Variants in SDK1 observed in about 807,000 individuals in gnomAD.
The protein encoded by SDK1 is sidekick cell adhesion molecule 1.
SDK1 carries 157 observed loss-of-function variants against 245.5 expected under a neutral mutation model. The observed-to-expected ratio is 0.64, with a 90% CI of 0.56 to 0.73. The LOEUF is 0.73. SDK1 is among the 30% of genes least tolerant of loss of function. The pLI is 0.00. For synonymous variants in SDK1, 1,647 were observed against 1,278.5 expected (o/e 1.29, Z -6.15); for missense variants, 3,583 against 3,002.3 (o/e 1.19, Z -4.52).
intron 1 of SDK1, among the ~76,000 whole-genome samples, chr7:3,561,414 G>A (rs1160006338): frequency 6.6e-6 from 1 of 152,140 alleles, no homozygotes; most frequent in African/African-American, 2.4e-5. Context: ...GTTTGTTCCT[G>A]GGTTTCATAG....
chr7:3,913,185 C>A lies in SDK1; in HGVS notation c.848-37738C>A, dbSNP rs539595848. Among the ~76,000 whole-genome samples the A allele has an allele frequency of 1.8e-4, 27 of 152,280 alleles. No individual in the cohort carries two copies. The South Asian group carries it at 5.4e-3, about 30-fold the overall frequency. ...TCAGGGCATCGGTATGGAAATGCCTCCAGCTCCTGGCTCGCGCTAAGCGTA... is the reference window on the plus strand; with the variant it reads ...TCAGGGCATCGGTATGGAAATGCCTACAGCTCCTGGCTCGCGCTAAGCGTA... On this transcript the variant is annotated intron_variant, in intron 5 of 44. Coordinates refer to ENST00000404826, the MANE Select transcript of SDK1 (RefSeq NM_152744.4).
intron 1 of SDK1, among the ~76,000 whole-genome samples, chr7:3,606,832 A>G (rs1781440513): frequency 6.8e-6 from 1 of 147,982 alleles, no homozygotes; most frequent in Middle Eastern, 3.6e-3. Context: ...ATTATTCTGT[A>G]TGTGTCTTCC....
In SDK1 at chr7:3,403,835, A is replaced by ATG. The variant is rs1358666131; in HGVS notation, c.298+101952_298+101953insGT. Among the ~76,000 whole-genome samples, 13 of 51,244 alleles carry ATG rather than the reference A, an allele frequency of 2.5e-4. No homozygotes were observed. The East Asian group carries it at 5.9e-3, about 23-fold the overall frequency. 33.6% of individuals were successfully genotyped at this position (51,244 alleles called of 152,430 possible). A position where few individuals can be genotyped will look rare whatever the true frequency, so the allele number is the denominator to read the frequency against. Reference sequence around the variant, plus strand: ...TTTGAAATATCTTACATATATATATATATATATATATATATATATATATAT... The same window carrying ATG: ...TTTGAAATATCTTACATATATATATATGTATATATATATATATATATATATAT... On this transcript the variant is annotated intron_variant, in intron 1 of 44. Coordinates refer to ENST00000404826, the MANE Select transcript of SDK1 (RefSeq NM_152744.4).
At chr7:3,795,279 G>T (rs1310414319) in intron 4 of SDK1, among the ~76,000 whole-genome samples, 3 of 152,082 alleles carry the variant, frequency 2.0e-5, no homozygotes, top group African/African-American at 7.2e-5. Flanking sequence ...CCCCTTAGAG[G>T]CATGTTGGAT....
intron 1 of SDK1, among the ~76,000 whole-genome samples, chr7:3,338,879 T>C (rs1780273014): frequency 6.6e-6 from 1 of 152,018 alleles, no homozygotes. Flanking sequence ...TATTAAAAAA[T>C]TGACATAATC....
intron 1 of SDK1, among the ~76,000 whole-genome samples, chr7:3,407,181 C>T (rs1779078163): frequency 6.6e-6 from 1 of 152,204 alleles, no homozygotes; most frequent in Non-Finnish European, 1.5e-5. Context: ...CTCCTCTTTC[C>T]TGCTTCGTTC....
chr7:3,327,583 G>A (rs1779967646), intron 1 of SDK1, among the ~76,000 whole-genome samples: 1 of 151,968 alleles, frequency 6.6e-6, no homozygotes. Flanking sequence ...ATATTTTTCA[G>A]TAGAGAAAAA....
At chr7:3,722,690 A>C (rs1382095835) in intron 4 of SDK1, among the ~76,000 whole-genome samples, 1 of 152,216 alleles carries the variant, frequency 6.6e-6, no homozygotes, top group Non-Finnish European at 1.5e-5. Flanking sequence ...GTGCCCAGAC[A>C]GCTGCAGGCT....
At chr7:3,630,426 TTAA>T (rs1782254368) in intron 2 of SDK1, among the ~76,000 whole-genome samples, 1 of 152,172 alleles carries the variant, frequency 6.6e-6, no homozygotes, top group Non-Finnish European at 1.5e-5. Flanking sequence ...CATATAAGAA[TTAA>T]TTATATTTCT....
intron 5 of SDK1, among the ~76,000 whole-genome samples, chr7:3,887,747 G>A (rs956252408): frequency 1.3e-5 from 2 of 152,084 alleles, no homozygotes; most frequent in Middle Eastern, 3.2e-3. Flanking sequence ...CAAGTGGGTG[G>A]GGAGTAAATC....
intron 1 of SDK1, among the ~76,000 whole-genome samples, chr7:3,322,853 A>G (rs1344553903): frequency 1.3e-5 from 2 of 152,046 alleles, no homozygotes; most frequent in Admixed American, 1.3e-4. Context: ...TCTGTCGCCC[A>G]GGCTGGGGTG....
rs533624901 is a variant in SDK1 at position 3,700,864 on chromosome 7, G to C, written c.713+58759G>C. Among the ~76,000 whole-genome samples the C allele has an allele frequency of 1.0e-3, 155 of 151,834 alleles. 1 individual carries two copies. The highest frequency in any genetic ancestry group is 1.7e-3 in the Non-Finnish European group (113 of 67,922). Reference sequence around the variant, plus strand: ...TTTTTCCCCTTATTTCTATTTTTTTGGTGTGCTTCCGTCAGCTATTCCTTA... The same window carrying C: ...TTTTTCCCCTTATTTCTATTTTTTTCGTGTGCTTCCGTCAGCTATTCCTTA... On this transcript the variant is annotated intron_variant, in intron 4 of 44. Transcript: ENST00000404826.
intron 17 of SDK1, among the ~76,000 whole-genome samples, chr7:4,020,888 C>T (rs932341987): frequency 2.6e-5 from 4 of 152,214 alleles, no homozygotes; most frequent in South Asian, 2.1e-4. Flanking sequence ...TGAGATACTA[C>T]GTGTGAAAAG....
intron 1 of SDK1, among the ~76,000 whole-genome samples, chr7:3,468,853 G>C (rs1276283441): frequency 6.6e-6 from 1 of 152,136 alleles, no homozygotes; most frequent in East Asian, 1.9e-4. Flanking sequence ...AAATTGGGAT[G>C]CGATTTCTCC....
chr7:3,355,403 A>C (rs540756905), intron 1 of SDK1, among the ~76,000 whole-genome samples: 1 of 152,058 alleles, frequency 6.6e-6, no homozygotes, highest in South Asian at 2.1e-4. Flanking sequence ...ATGGCCTCCA[A>C]CTCCTGTGCT....
chr7:3,515,688 A>G (rs1001294328), intron 1 of SDK1, among the ~76,000 whole-genome samples: 1 of 152,214 alleles, frequency 6.6e-6, no homozygotes, highest in African/African-American at 2.4e-5. Context: ...TAAGGAGGTT[A>G]GCCAAAGAGA....
chr7:3,480,207 G>C (rs1781471097), intron 1 of SDK1, among the ~76,000 whole-genome samples: 1 of 152,212 alleles, frequency 6.6e-6, no homozygotes, highest in Admixed American at 6.5e-5. Context: ...GAAGAGTGGT[G>C]TGACATGAGA....
intron 44 of SDK1, among the ~76,000 whole-genome samples, chr7:4,263,433 C>G (rs1056535525): frequency 2.5e-4 from 37 of 150,320 alleles, no homozygotes; most frequent in Non-Finnish European, 1.2e-4. Flanking sequence ...GTAGACCTCT[C>G]CTGAGTGGGG....
rs1788492655 is a variant in SDK1, at chr7:4,266,711, T to G, written c.*1327T>G. ...TCACGTCATCTTTGCAACAGACGAC[T>G]GGGCTGCCATGGTCCACCCCTCAGC... On this transcript the variant is annotated 3_prime_UTR_variant, in exon 45 of 45. Coordinates refer to ENST00000404826, the MANE Select transcript of SDK1 (RefSeq NM_152744.4). 7.1e-6 allele frequency: 7 copies of G among 985,376 alleles called. No homozygotes were observed. The highest frequency in any genetic ancestry group is 9.4e-5 in the South Asian group (2 of 21,294). The allele number at this position is 985,376 out of a possible 1,614,324, so 61.0% of individuals were successfully genotyped here. A position where few individuals can be genotyped will look rare whatever the true frequency, so the allele number is the denominator to read the frequency against.
Sources: gnomAD v4.1 joint callset for allele counts (sites outside exome capture counted in the v4.1 genomes callset) on GRCh38, gnomAD v4.1.1 for gene constraint, MANE v1.5 for transcripts, NCBI Gene and HGNC (gene_info 2026-07-23, HGNC 2026-07-21) for gene names.